ABCB4: variants seen among roughly 807,000 people sequenced by gnomAD.
ABCB4 encodes the protein ATP binding cassette subfamily B member 4, also known as phosphatidylcholine translocator ABCB4.
ABCB4 carries 76 observed loss-of-function variants against 145.7 expected under a neutral mutation model. The observed-to-expected ratio is 0.52, with a 90% CI of 0.43 to 0.63. The LOEUF is 0.63. Among genes scored for constraint, ABCB4 ranks in the 30% least tolerant of loss-of-function variants. ABCB4 has a pLI of 0.00. For missense variants in ABCB4, 1,234 were observed against 1,553.1 expected (o/e 0.79, Z 3.45); for synonymous variants, 517 against 566.8 (o/e 0.91, Z 1.25).
the ABCB4 span, among the ~76,000 whole-genome samples, chr7:87,373,973 C>G: frequency 6.6e-6 from 1 of 152,002 alleles, no homozygotes; most frequent in Non-Finnish European, 1.5e-5. Context: ...TTAAATAAAG[C>G]TACTAGGTTT....
At chr7:87,403,012 A>AAACC (rs1257522003) in intron 27 of ABCB4, 123 bp downstream of exon 27, 16 of 1,134,080 alleles carry the variant, frequency 1.4e-5, no homozygotes, top group Non-Finnish European at 2.1e-5. Context: ...ATAAAAATAA[A>AAACC]AACCACTATC....
chr7:87,453,178 C>T, intron 5 of ABCB4, 43 bp from the exon 6 acceptor site: 1 of 1,575,202 alleles, frequency 6.3e-7, no homozygotes, highest in African/African-American at 1.3e-5. Flanking sequence ...CTTCTCTTTT[C>T]TTTTTTCTTT....
rs188102429 is a variant in ABCB4 at position 87,465,750 on chromosome 7, G to A, written c.136-2842C>T. On this transcript the variant is annotated intron_variant, in intron 3 of 27. Coordinates refer to ENST00000649586, the MANE Select transcript of ABCB4 (RefSeq NM_000443.4). Reference sequence around the variant, plus strand: ...CAACATTCGCTGTTCATCAATATTCGCTGTTCTGCAGCCTCCGCTGCTGAT... The same window carrying A: ...CAACATTCGCTGTTCATCAATATTCACTGTTCTGCAGCCTCCGCTGCTGAT... Among the ~76,000 whole-genome samples, 23 of 152,288 alleles carry A rather than the reference G, an allele frequency of 1.5e-4. No homozygotes were observed. The East Asian group carries it at 4.4e-3, about 29-fold the overall frequency.
intron 17 of ABCB4, 160 bp downstream of exon 17, chr7:87,423,746 C>T (rs1156447536): frequency 1.2e-6 from 1 of 809,442 alleles, no homozygotes; most frequent in Non-Finnish European, 2.0e-6. Context: ...GGCTACTTAT[C>T]TTTTCCCTCA....
chr7:87,473,800 A>G (rs1166618902), intron 2 of ABCB4, among the ~76,000 whole-genome samples: 2 of 152,144 alleles, frequency 1.3e-5, no homozygotes, highest in Non-Finnish European at 2.9e-5. Context: ...GCATTTATCC[A>G]GGTAAATGAT....
chr7:87,466,924 A>G (rs1373921461), intron 3 of ABCB4, among the ~76,000 whole-genome samples: 1 of 152,230 alleles, frequency 6.6e-6, no homozygotes, highest in Non-Finnish European at 1.5e-5. Flanking sequence ...AGGAACAGCC[A>G]GTACCAGTCA....
At chr7:87,375,725 G>C in the ABCB4 span, 1 of 1,613,330 alleles carries the variant, frequency 6.2e-7, no homozygotes, top group Admixed American at 1.7e-5. Flanking sequence ...GATGGGCTAA[G>C]GTTCTGATTT....
At chr7:87,448,808 A>C (rs949829097) in intron 8 of ABCB4, 16 of 152,196 alleles carry the variant, frequency 1.1e-4, no homozygotes, top group African/African-American at 3.6e-4. Context: ...GAAAAGTAGA[A>C]AATTAAATGG....
chr7:87,369,732 C>G, the ABCB4 span: 1 of 174,634 alleles, frequency 5.7e-6, no homozygotes, highest in East Asian at 1.4e-4. Context: ...ATTCCCTGCC[C>G]CAGAATTAAT....
At chr7:87,412,092 G>A in intron 22 of ABCB4, 59 bp from the exon 23 acceptor site, 1 of 1,603,360 alleles carries the variant, frequency 6.2e-7, no homozygotes, top group Non-Finnish European at 8.5e-7. Flanking sequence ...GCGCTGTGTA[G>A]TGGAAAGAGC....
chr7:87,382,672 G>T, the ABCB4 span: 1 of 859,826 alleles, frequency 1.2e-6, no homozygotes, highest in Non-Finnish European at 1.8e-6. Flanking sequence ...TGTCCTATTT[G>T]TACTTCCATC....
intron 17 of ABCB4, among the ~76,000 whole-genome samples, chr7:87,422,537 A>G (rs1809522055): frequency 6.6e-6 from 1 of 152,056 alleles, no homozygotes; most frequent in Non-Finnish European, 1.5e-5. Flanking sequence ...TCCTCCTCCC[A>G]GCTCCTGGTA....
At chr7:87,474,869 G>A (rs1163144125) in intron 2 of ABCB4, among the ~76,000 whole-genome samples, 1 of 152,080 alleles carries the variant, frequency 6.6e-6, no homozygotes, top group Non-Finnish European at 1.5e-5. Context: ...TCCCAGAAAG[G>A]AGAAATACAA....
chr7:87,420,319 C>A (rs993486481), intron 18 of ABCB4, among the ~76,000 whole-genome samples: 2 of 152,132 alleles, frequency 1.3e-5, no homozygotes, highest in African/African-American at 4.8e-5. Context: ...TGGCAGGATG[C>A]AGGATTCAAT....
At chr7:87,400,217 G>A (rs1019451768), downstream of ABCB4, among the ~76,000 whole-genome samples, 3 of 152,104 alleles carry the variant, frequency 2.0e-5, no homozygotes, top group Non-Finnish European at 2.9e-5. Flanking sequence ...TTCAAGGAGT[G>A]GGGAAAAAGT....
intron 4 of ABCB4, among the ~76,000 whole-genome samples, chr7:87,461,586 AG>A (rs1455818278): frequency 6.6e-6 from 1 of 152,204 alleles, no homozygotes; most frequent in African/African-American, 2.4e-5. Flanking sequence ...CCTAGCACAT[AG>A]TAAGCACAAT....
intron 26 of ABCB4, 47 bp downstream of exon 26, chr7:87,406,241 G>T: frequency 6.4e-7 from 1 of 1,573,500 alleles, no homozygotes; most frequent in South Asian, 1.1e-5. Context: ...TAATTGTTTG[G>T]GGGATAAAAA....
Position 87,443,390 on chromosome 7 carries a change from C to T in ABCB4, c.1285G>A (p.Gly429Arg), listed in dbSNP as rs374007494. ...VQSGQTVALV[G>R]SSGCGKSTTV... Reference sequence around the variant, plus strand: ...GTGCTCTTCCCACAGCCACTACTTCCAACCAGGGCCACCGTCTGCCCACTC... The same window carrying T: ...GTGCTCTTCCCACAGCCACTACTTCTAACCAGGGCCACCGTCTGCCCACTC... Residue 429 changes from glycine to arginine, a missense_variant, in exon 12 of 28, where the codon GGA (glycine) becomes AGA (arginine). Transcript: ENST00000649586. 4 of 1,613,942 alleles carry T rather than the reference C, an allele frequency of 2.5e-6. No homozygotes were observed. The highest frequency in any genetic ancestry group is 2.7e-5 in the African/African-American group (2 of 74,886).
At position 87,454,611 on chromosome 7, in the gene ABCB4, T is replaced by C. The variant is rs1811990295; in HGVS notation, c.287-19A>G. The C allele has an allele frequency of 1.9e-6, 3 of 1,570,548 alleles. No homozygotes were observed. The highest frequency in any genetic ancestry group is 2.7e-5 in the African/African-American group (2 of 73,508). ...AAGTTCACTAAATTAAAAAATAAAA[T>C]AAAACATGTTAAAAGATCAAACTAT... On this transcript the variant is annotated intron_variant, in intron 4 of 27. Coordinates refer to ENST00000649586, the MANE Select transcript of ABCB4 (RefSeq NM_000443.4).
Sources: allele counts gnomAD v4.1 joint callset (sites outside exome capture counted in the v4.1 genomes callset), GRCh38; gene constraint gnomAD v4.1.1; transcripts MANE v1.5; gene names NCBI Gene and HGNC (gene_info 2026-07-23, HGNC 2026-07-21).